The following ADGRB2 variants were observed in gnomAD, a reference collection of about 807,000 sequenced individuals.
ADGRB2 encodes the protein brain-specific angiogenesis inhibitor 2.
ADGRB2 carries 47 observed loss-of-function variants against 178.7 expected under a neutral mutation model. The observed-to-expected ratio is 0.26, with a 90% confidence interval of 0.21 to 0.34. ADGRB2 has a LOEUF of 0.34. ADGRB2 is among the 10% of genes least tolerant of loss of function. The pLI is 1.00. For missense variants in ADGRB2, 1,584 were observed against 2,180.8 expected (o/e 0.73, Z 5.45); for synonymous variants, 870 against 912.4 (o/e 0.95, Z 0.84).
chr1:31,738,702 G>A lies in ADGRB2; in HGVS notation c.2602-72C>T, dbSNP rs142149608. 1.9e-4 allele frequency: 306 copies of A among 1,601,322 alleles called. No homozygotes were observed. In the African/African-American group the frequency reaches 3.6e-3, roughly 19 times the overall value. On this transcript the variant is annotated intron_variant, in intron 16 of 32. Coordinates refer to ENST00000373658, the MANE Select transcript of ADGRB2 (RefSeq NM_001364857.2). ...ACACCCCACCACTGCCCATGCCATGGGGGCCACAGCAGCTCCCACACAGGT... is the reference window on the plus strand; with the variant it reads ...ACACCCCACCACTGCCCATGCCATGAGGGCCACAGCAGCTCCCACACAGGT...
rs1317441217 is a variant in ADGRB2, at chr1:31,728,010, C to G, written c.4572+15G>C. ...CTCAGGCCCACCTCACCCCACCCAG[C>G]CCGGGGGGACTCACGGTGCACACGC... On this transcript the variant is annotated intron_variant, in intron 32 of 32. Coordinates refer to ENST00000373658, the MANE Select transcript of ADGRB2 (RefSeq NM_001364857.2). The surrounding 1 kb of genome is among the most constrained non-coding windows in gnomAD (Gnocchi z 6.7). 1 of 1,548,628 alleles carries G rather than the reference C, an allele frequency of 6.5e-7. No homozygotes were observed. Among genetic ancestry groups the G allele is most frequent in the Admixed American group, 1.9e-5 (1 of 52,052 alleles).
chr1:31,756,724 C>T lies in ADGRB2; in HGVS notation c.113G>A (p.Ser38Asn), dbSNP rs764795840. Residue 38 changes from serine to asparagine, a missense_variant, in exon 4 of 33, where the codon AGT becomes AAT. Transcript: ENST00000373658. This position sits in a 1 kb window ranked among gnomAD's most constrained non-coding sequence, Gnocchi z 8.5. Reference sequence around the variant, plus strand: ...ACCCGAGGCCAGGGCAGAGCAGGCACTGGGGGCGGGGTCGAAGGCGGTGGC... The same window carrying T: ...ACCCGAGGCCAGGGCAGAGCAGGCATTGGGGGCGGGGTCGAAGGCGGTGGC... ...RLATAFDPAP[S>N]ACSALASGVL... is the part of the protein sequence containing the mutation. 6.3e-7 allele frequency: 1 copy of T among 1,592,060 alleles called. No homozygotes were observed. The highest frequency in any genetic ancestry group is 8.5e-7 in the Non-Finnish European group (1 of 1,170,200).
intron 7 of ADGRB2, 80 bp downstream of exon 7, chr1:31,742,758 G>T: frequency 7.3e-7 from 1 of 1,366,936 alleles, no homozygotes; most frequent in Non-Finnish European, 9.5e-7. Flanking sequence ...CAGGTCACTG[G>T]ACCTGACTGC....
rs948335572 is a variant in ADGRB2 at position 31,755,170 on chromosome 1, C to A, written c.838+829G>T. Among the ~76,000 whole-genome samples the A allele has an allele frequency of 1.3e-5, 2 of 152,212 alleles. No homozygotes were observed. Among genetic ancestry groups the A allele is most frequent in the African/African-American group, 4.8e-5 (2 of 41,450 alleles). Reference sequence around the variant, plus strand: ...GTTCCCTCCAGGTCTCCTGGTCAGTCCCCGGCCCAGCACTGTTCAGCGGGC... The same window carrying A: ...GTTCCCTCCAGGTCTCCTGGTCAGTACCCGGCCCAGCACTGTTCAGCGGGC... On this transcript the variant is annotated intron_variant, in intron 4 of 32. Transcript: ENST00000373658. This position sits in a 1 kb window ranked among gnomAD's most constrained non-coding sequence, Gnocchi z 5.1.
chr1:31,739,492 G>C lies in ADGRB2; in HGVS notation c.2311C>G (p.Pro771Ala), dbSNP rs1310105608. ...GCCCCAGATGTGGCTGGCTTCCCTG[G>C]GGAGGAGAGGCTGAGCACCTCCTTG... Reference protein sequence around the residue: ...LPKEVLSLSSPGKPATSGAAG... With the variant: ...LPKEVLSLSSAGKPATSGAAG... The change falls in exon 15 of 33, where the codon CCA (proline) becomes GCA (alanine). Residue 771 changes from proline to alanine, a missense_variant. Coordinates refer to ENST00000373658, the MANE Select transcript of ADGRB2 (RefSeq NM_001364857.2). The C allele has an allele frequency of 6.2e-7, 1 of 1,612,618 alleles. No homozygotes were observed. The highest frequency in any genetic ancestry group is 1.3e-5 in the African/African-American group (1 of 75,066).
chr1:31,732,675 G>T, intron 26 of ADGRB2, 63 bp from the exon 27 acceptor site: 1 of 1,555,136 alleles, frequency 6.4e-7, no homozygotes, highest in Non-Finnish European at 8.8e-7. Flanking sequence ...ACAGATGGCT[G>T]TGCTTCCCAC....
chr1:31,757,004 A>T (rs554869690), intron 3 of ADGRB2, among the ~76,000 whole-genome samples, 189 bp from the exon 4 acceptor site: 1 of 152,328 alleles, frequency 6.6e-6, no homozygotes, highest in Non-Finnish European at 1.5e-5. Context: ...TACCTGTAAA[A>T]TGGACCAATG....
At chr1:31,748,872 C>T (rs1646415354) in intron 4 of ADGRB2, among the ~76,000 whole-genome samples, 1 of 152,212 alleles carries the variant, frequency 6.6e-6, no homozygotes, top group African/African-American at 2.4e-5. Flanking sequence ...TCATTTCATC[C>T]TCATCAGGGC....
intron 18 of ADGRB2, 63 bp downstream of exon 18, chr1:31,738,137 G>C (rs1467309618): frequency 6.3e-7 from 1 of 1,592,160 alleles, no homozygotes; most frequent in Non-Finnish European, 8.6e-7. Context: ...CACCATCACT[G>C]ATGGCTGCTG....
chr1:31,738,130 C>T (rs1645728558), intron 18 of ADGRB2, 70 bp downstream of exon 18: 1 of 1,586,694 alleles, frequency 6.3e-7, no homozygotes, highest in Admixed American at 1.7e-5. Context: ...CTGCCAACAC[C>T]ATCACTGATG....
At chr1:31,732,182 G>A (rs1270465994) in intron 27 of ADGRB2, 28 bp from the exon 28 acceptor site, 5 of 1,613,850 alleles carry the variant, frequency 3.1e-6, no homozygotes, top group Non-Finnish European at 4.2e-6. Flanking sequence ...GGGGCAGGTG[G>A]GCAGAGGGAG....
Position 31,756,855 on chromosome 1 carries a change from C to T in ADGRB2, c.22-40G>A, listed in dbSNP as rs1398303803. ...AGTGGTCAGCGGGCCCCCAGCACAGCCAGCATGGGCTCTGAACCTTCTATG... is the reference window on the plus strand; with the variant it reads ...AGTGGTCAGCGGGCCCCCAGCACAGTCAGCATGGGCTCTGAACCTTCTATG... On this transcript the variant is annotated intron_variant, in intron 3 of 32. Coordinates refer to ENST00000373658, the MANE Select transcript of ADGRB2 (RefSeq NM_001364857.2). This position sits in a 1 kb window ranked among gnomAD's most constrained non-coding sequence, Gnocchi z 8.5. The T allele has an allele frequency of 2.8e-6, 4 of 1,443,688 alleles. No homozygotes were observed. Among genetic ancestry groups the T allele is most frequent in the Non-Finnish European group, 3.7e-6 (4 of 1,092,542 alleles). The allele number at this position is 1,443,688 out of a possible 1,614,324, so 89.4% of individuals were successfully genotyped here.
rs1170070162 is a variant in ADGRB2 at position 31,737,769 on chromosome 1, GCAGA to G, written c.2773-18_2773-15del. On this transcript the variant is annotated splice_polypyrimidine_tract_variant and intron_variant, in intron 18 of 32. Transcript: ENST00000373658. ...CAGCTCCAGGGTCTGGGGAAGATGG[GCAGA>G]CAGTCAGATGGGTTCCTGGGAGGGG... 7 of 1,612,040 alleles carry G rather than the reference GCAGA, an allele frequency of 4.3e-6. No individual in the cohort carries two copies. The highest frequency in any genetic ancestry group is 3.3e-5 in the South Asian group (3 of 91,010).
Position 31,741,991 on chromosome 1 carries a change from A to G in ADGRB2, c.1418-24T>C, listed in dbSNP as rs544933342. On this transcript the variant is annotated intron_variant, in intron 8 of 32. Coordinates refer to ENST00000373658, the MANE Select transcript of ADGRB2 (RefSeq NM_001364857.2). The surrounding 1 kb of genome is among the most constrained non-coding windows in gnomAD (Gnocchi z 6.5). ...GGCTGTGGGAGAGGTGAGGCATATGAGTGGGCCCAGGTACCCCCATGGTCA... is the reference window on the plus strand; with the variant it reads ...GGCTGTGGGAGAGGTGAGGCATATGGGTGGGCCCAGGTACCCCCATGGTCA... 1.9e-6 allele frequency: 3 copies of G among 1,584,498 alleles called. No homozygotes were observed. In the African/African-American group the frequency reaches 4.0e-5, roughly 21 times the overall value.
chr1:31,757,263 G>A lies in ADGRB2; in HGVS notation c.-42C>T, dbSNP rs1476887826. On this transcript the variant is annotated 5_prime_UTR_variant, in exon 3 of 33. Coordinates refer to ENST00000373658, the MANE Select transcript of ADGRB2 (RefSeq NM_001364857.2). The stretch of plus-strand genomic sequence containing the variant: ...CCCCGTGTGTCGTGATCAGCTGTGA[G>A]GCATGTCACCGCGTAATCCTGTGGT... The A allele has an allele frequency of 6.2e-7, 1 of 1,612,692 alleles. No individual in the cohort carries two copies. The highest frequency in any genetic ancestry group is 1.1e-5 in the South Asian group (1 of 91,052).
chr1:31,732,880 G>A (rs529729149), intron 26 of ADGRB2, 92 bp downstream of exon 26: 1 of 1,458,888 alleles, frequency 6.9e-7, no homozygotes, highest in East Asian at 2.5e-5. Context: ...ACCCTGGTCG[G>A]GGCCTCGATC....
In ADGRB2 at chr1:31,739,357, T is replaced by A. The variant is rs1398323135; in HGVS notation, c.2446A>T (p.Ile816Phe). Residue 816 changes from isoleucine to phenylalanine, a missense_variant, in exon 15 of 33, where the codon ATC (isoleucine) becomes TTC (phenylalanine). Physicochemically the swap from Ile to Phe is conservative, Grantham distance 21. Around this residue, in one of 3 missense-constraint regions of ADGRB2, gnomAD observed 865 missense variants for 1,192.8 expected, o/e 0.73. Coordinates refer to ENST00000373658, the MANE Select transcript of ADGRB2 (RefSeq NM_001364857.2). ...AGGGTGCGGTAGAGTACAGCACCGATCACAAAGTAGGAGGACTCATCAGGG... is the reference window on the plus strand; with the variant it reads ...AGGGTGCGGTAGAGTACAGCACCGAACACAAAGTAGGAGGACTCATCAGGG... ...ADPDESSYFV[I>F]GAVLYRTLGL... 7 of 1,498,866 alleles carry A rather than the reference T, an allele frequency of 4.7e-6. No homozygotes were observed. The Admixed American group carries it at 6.7e-5, about 14-fold the overall frequency. The allele number at this position is 1,498,866 out of a possible 1,614,324, so 92.8% of individuals were successfully genotyped here. A position where few individuals can be genotyped will look rare whatever the true frequency, so the allele number is the denominator to read the frequency against.
At position 31,764,113 on chromosome 1, in the gene ADGRB2, C is replaced by T; in HGVS notation, c.-420G>A. 6 of 908,838 alleles carry T rather than the reference C, an allele frequency of 6.6e-6. No individual in the cohort carries two copies. The highest frequency in any genetic ancestry group is 7.8e-6 in the Non-Finnish European group (6 of 764,362). The allele number at this position is 908,838 out of a possible 1,614,324, so 56.3% of individuals were successfully genotyped here. A position where few individuals can be genotyped will look rare whatever the true frequency, so the allele number is the denominator to read the frequency against. On this transcript the variant is annotated 5_prime_UTR_variant, in exon 1 of 33. Transcript: ENST00000373658. The surrounding 1 kb of genome is among the most constrained non-coding windows in gnomAD (Gnocchi z 7.3). ...CGGGCCGGGCGCGGGCTCCTGCCGCCGCCGCCGCCGCCGCCTCCTTGCCGC... is the reference window on the plus strand; with the variant it reads ...CGGGCCGGGCGCGGGCTCCTGCCGCTGCCGCCGCCGCCGCCTCCTTGCCGC...
In ADGRB2 at chr1:31,738,905, G is replaced by A; in HGVS notation, c.2528C>T (p.Thr843Ile). 4 of 1,613,626 alleles carry A rather than the reference G, an allele frequency of 2.5e-6. No homozygotes were observed. The highest frequency in any genetic ancestry group is 2.5e-6 in the Non-Finnish European group (3 of 1,179,906). ...CTGGGTAGGGGGGCGCACAGTCACT[G>A]TCATCACCCGGGATGTGACGGCCAG... Reference protein sequence around the residue: ...PPLAVTSRVMTVTVRPPTQPP... With the variant: ...PPLAVTSRVMIVTVRPPTQPP... Residue 843 changes from threonine (T) to isoleucine (I), a missense_variant, in exon 16 of 33, where the codon ACA becomes ATA. Physicochemically the swap from Thr to Ile is moderately conservative, Grantham distance 89. Coordinates refer to ENST00000373658, the MANE Select transcript of ADGRB2 (RefSeq NM_001364857.2).
Sources: allele counts gnomAD v4.1 joint callset (sites outside exome capture counted in the v4.1 genomes callset), GRCh38; gene constraint gnomAD v4.1.1; regional missense constraint gnomAD v4.1.1; non-coding constraint Gnocchi (gnomAD v3.1); transcripts MANE v1.5; gene names NCBI Gene and HGNC (gene_info 2026-07-23, HGNC 2026-07-21).